Variants in MTHFS observed in about 807,000 individuals in gnomAD.
MTHFS encodes the protein methenyltetrahydrofolate synthetase.
Under a neutral mutation model 12.7 loss-of-function variants are expected in MTHFS, and 7 were observed. The ratio of observed to expected loss-of-function variants is 0.55; its 90% confidence interval spans 0.31 to 1.03. MTHFS has a LOEUF of 1.03. Ranked by LOEUF, MTHFS falls within the 50% of genes least tolerant of loss-of-function variation. MTHFS has a pLI of 0.05. For missense variants in MTHFS, 252 were observed against 258.1 expected (o/e 0.98, Z 0.16); for synonymous variants, 100 against 97.1 (o/e 1.03, Z -0.18).
chr15:79,874,730 G>A (rs2034160060), intron 2 of MTHFS, among the ~76,000 whole-genome samples: 1 of 152,046 alleles, frequency 6.6e-6, no homozygotes, highest in Non-Finnish European at 1.5e-5. Flanking sequence ...CATATTCCAG[G>A]GAATCTAGAA....
rs760201053 is a variant in MTHFS, at chr15:79,878,899, A to G, written c.379+10194T>C. ...TTTCTTTCTTTAATTTCCTGCCTCA[A>G]TATGACAATAATAACATAAATGGGG... is the stretch of plus-strand genomic sequence containing the variant. On this transcript the variant is annotated intron_variant, in intron 2 of 2. Transcript: ENST00000258874. Among the ~76,000 whole-genome samples, 23 of 151,698 alleles carry G rather than the reference A, an allele frequency of 1.5e-4. 1 individual carries two copies. Among genetic ancestry groups the G allele is most frequent in the African/African-American group, 5.1e-4 (21 of 41,266 alleles).
At chr15:79,897,042 T>G, upstream of MTHFS, 1 of 1,477,212 alleles carries the variant, frequency 6.8e-7, no homozygotes, top group Non-Finnish European at 8.9e-7. Context: ...CGCCCTCGGG[T>G]TCGGTCTCCG....
At chr15:79,855,464 T>C (rs2033781941) in intron 2 of MTHFS, among the ~76,000 whole-genome samples, 1 of 152,174 alleles carries the variant, frequency 6.6e-6, no homozygotes, top group Non-Finnish European at 1.5e-5. Flanking sequence ...CCTCTGCTTG[T>C]CTGATTTTAC....
intron 1 of MTHFS, among the ~76,000 whole-genome samples, chr15:79,890,002 T>C (rs2034447149): frequency 6.6e-6 from 1 of 152,034 alleles, no homozygotes; most frequent in South Asian, 2.1e-4. Flanking sequence ...ACCATCCCCA[T>C]CCCATTTCCT....
At chr15:79,846,740 G>A (rs776025837) in intron 2 of MTHFS, among the ~76,000 whole-genome samples, 3 of 152,194 alleles carry the variant, frequency 2.0e-5, no homozygotes, top group Non-Finnish European at 2.9e-5. Context: ...TTCCTGTCCA[G>A]CTCATTTGTC....
intron 2 of MTHFS, among the ~76,000 whole-genome samples, chr15:79,871,736 A>C (rs924141340): frequency 1.3e-5 from 2 of 152,156 alleles, no homozygotes; most frequent in Non-Finnish European, 2.9e-5. Flanking sequence ...ATAATGTTTG[A>C]AGTGACAATT....
At chr15:79,879,670 G>A (rs560111395) in intron 2 of MTHFS, among the ~76,000 whole-genome samples, 1 of 152,254 alleles carries the variant, frequency 6.6e-6, no homozygotes, top group African/African-American at 2.4e-5. Flanking sequence ...AATAAGGCCT[G>A]TAATAGATGC....
intron 2 of MTHFS, among the ~76,000 whole-genome samples, chr15:79,865,943 A>G (rs1262297708): frequency 6.6e-6 from 1 of 152,190 alleles, no homozygotes; most frequent in Non-Finnish European, 1.5e-5. Context: ...CCAACCACAC[A>G]ATCTCTAACA....
At position 79,845,094 on chromosome 15, in the gene MTHFS, G is replaced by A; in HGVS notation, c.*116C>T. On this transcript the variant is annotated 3_prime_UTR_variant, in exon 3 of 3. Coordinates refer to ENST00000258874, the MANE Select transcript of MTHFS (RefSeq NM_006441.4). ...TATTTCATAATTACAATTTTAAAATGCAGTCTGTATTCACATTAATGAACA... is the reference window on the plus strand; with the variant it reads ...TATTTCATAATTACAATTTTAAAATACAGTCTGTATTCACATTAATGAACA... 1 of 1,302,224 alleles carries A rather than the reference G, an allele frequency of 7.7e-7. No individual in the cohort carries two copies. Among genetic ancestry groups the A allele is most frequent in the Non-Finnish European group, 1.0e-6 (1 of 958,884 alleles). The allele number at this position is 1,302,224 out of a possible 1,614,324, so 80.7% of individuals were successfully genotyped here.
chr15:79,877,191 G>C (rs967005693), intron 2 of MTHFS: 1 of 152,002 alleles, frequency 6.6e-6, no homozygotes, highest in Non-Finnish European at 1.5e-5. Flanking sequence ...AAAAAAGACT[G>C]AAGAAAAATG....
At chr15:79,873,148 T>C (rs2034135482) in intron 2 of MTHFS, among the ~76,000 whole-genome samples, 1 of 152,098 alleles carries the variant, frequency 6.6e-6, no homozygotes, top group South Asian at 2.1e-4. Context: ...CTCAATCCCA[T>C]TGTGACGCCT....
intron 1 of MTHFS, among the ~76,000 whole-genome samples, chr15:79,894,122 C>T (rs1011541620): frequency 6.6e-6 from 1 of 152,168 alleles, no homozygotes; most frequent in African/African-American, 2.4e-5. Context: ...CAGTGGCTCA[C>T]GCCTGTAATC....
chr15:79,888,627 T>G (rs1274921146), intron 2 of MTHFS, among the ~76,000 whole-genome samples: 1 of 152,122 alleles, frequency 6.6e-6, no homozygotes, highest in African/African-American at 2.4e-5. Flanking sequence ...GACTTAACAA[T>G]AGACCACAGG....
At chr15:79,871,307 G>C (rs868676506) in intron 2 of MTHFS, among the ~76,000 whole-genome samples, 3 of 151,990 alleles carry the variant, frequency 2.0e-5, no homozygotes, top group Middle Eastern at 3.4e-3. Flanking sequence ...AGGGAAAAAA[G>C]GACACAAAGA....
At chr15:79,894,622 G>A (rs528729720) in intron 1 of MTHFS, among the ~76,000 whole-genome samples, 10 of 151,862 alleles carry the variant, frequency 6.6e-5, no homozygotes, top group Admixed American at 1.3e-4. Context: ...AATCTTCTAC[G>A]GAGAAAGACA....
At chr15:79,895,325 T>A (rs1349313559) in intron 1 of MTHFS, among the ~76,000 whole-genome samples, 3 of 152,214 alleles carry the variant, frequency 2.0e-5, no homozygotes, top group Non-Finnish European at 4.4e-5. Flanking sequence ...TCTCAAACAT[T>A]TTCCAATAGA....
At chr15:79,859,711 G>A (rs1327756922) in intron 2 of MTHFS, among the ~76,000 whole-genome samples, 3 of 151,616 alleles carry the variant, frequency 2.0e-5, no homozygotes, top group Non-Finnish European at 1.5e-5. Context: ...CCAGCTACTC[G>A]GGAGATTGAG....
At chr15:79,897,106 G>C (rs1361487404), upstream of MTHFS, 1 of 1,000,416 alleles carries the variant, frequency 1.0e-6, no homozygotes, top group Non-Finnish European at 1.3e-6. Context: ...GGGGCTCGGG[G>C]AAGCGCCCCC....
At position 79,855,465 on chromosome 15, in the gene MTHFS, C is replaced by T. The variant is rs569904709; in HGVS notation, c.380-10023G>A. Among the ~76,000 whole-genome samples the T allele has an allele frequency of 2.0e-5, 3 of 152,232 alleles. No individual in the cohort carries two copies. The East Asian group carries it at 5.8e-4, about 29-fold the overall frequency. ...CTAACTGTAGGCAACCTCTGCTTGT[C>T]TGATTTTACTCATCTGTAAAATGGG... On this transcript the variant is annotated intron_variant, in intron 2 of 2. Transcript: ENST00000258874.
Sources: allele counts gnomAD v4.1 joint callset (sites outside exome capture counted in the v4.1 genomes callset), GRCh38; gene constraint gnomAD v4.1.1; transcripts MANE v1.5; gene names NCBI Gene and HGNC (gene_info 2026-07-23, HGNC 2026-07-21).